Variants in THOC2 observed in about 807,000 individuals in gnomAD.
THOC2 encodes the protein THO complex subunit 2, also known as THO complex 2.
THOC2 carries 10 observed loss-of-function variants against 128.4 expected under a neutral mutation model. That is an observed-to-expected ratio of 0.08 (90% CI 0.05 to 0.13). The LOEUF is 0.13. THOC2 is among the 10% of genes least tolerant of loss of function. The pLI is 1.00. For missense variants in THOC2, 535 were observed against 1,155.7 expected (o/e 0.46, Z 7.79); for synonymous variants, 393 against 396.9 (o/e 0.99, Z 0.12).
In THOC2 at chrX:123,732,825, T is replaced by C. The variant is rs1466913024; in HGVS notation, c.71+127A>G. 4 of 728,639 alleles carry C rather than the reference T, an allele frequency of 5.5e-6. No homozygotes were observed. The African/African-American group carries it at 8.4e-5, about 15-fold the overall frequency. The allele number at this position is 728,639 out of a possible 1,213,427, so 60.0% of individuals were successfully genotyped here. On this transcript the variant is annotated intron_variant, in intron 1 of 38. Transcript: ENST00000245838. ...CGAGTTCGAAACTCCTAGACGACCA[T>C]CCACGCCCGCCGCCCGGGTGGGGGA...
At chrX:123,726,015 C>T (rs959141682) in intron 1 of THOC2, among the ~76,000 whole-genome samples, 19 of 111,142 alleles carry the variant, frequency 1.7e-4, no homozygotes, top group Non-Finnish European at 2.8e-4. Flanking sequence ...TTGAGACTAG[C>T]CTAGCCAATA....
intron 33 of THOC2, among the ~76,000 whole-genome samples, chrX:123,618,772 C>A (rs1365320732): frequency 9.0e-6 from 1 of 111,460 alleles, no homozygotes; most frequent in Non-Finnish European, 1.9e-5. Context: ...CTTTTAGTAG[C>A]AGAATACTCA....
intron 23 of THOC2, among the ~76,000 whole-genome samples, chrX:123,627,395 A>G (rs2147615607): frequency 1.8e-5 from 2 of 111,551 alleles, no homozygotes; most frequent in East Asian, 5.6e-4. Context: ...TCTCCTAAAG[A>G]ACTCTCCTCT....
intron 12 of THOC2, among the ~76,000 whole-genome samples, chrX:123,648,846 C>T (rs1394974792): frequency 2.7e-5 from 3 of 112,034 alleles, no homozygotes; most frequent in Non-Finnish European, 5.6e-5. Flanking sequence ...TCCCAACACC[C>T]TAGGACAGAG....
At chrX:123,687,603 A>G (rs1384039739) in intron 7 of THOC2, among the ~76,000 whole-genome samples, 3 of 111,969 alleles carry the variant, frequency 2.7e-5, no homozygotes, top group African/African-American at 9.7e-5. Flanking sequence ...TGTAATTTCC[A>G]TAGGTTGTAT....
At chrX:123,680,016 G>A (rs1041710931) in intron 8 of THOC2, among the ~76,000 whole-genome samples, 2 of 112,118 alleles carry the variant, frequency 1.8e-5, no homozygotes, top group East Asian at 2.8e-4. Context: ...TTCTCTCCAC[G>A]TGATAGCCTG....
At chrX:123,670,827 T>C (rs6648533) in intron 9 of THOC2, among the ~76,000 whole-genome samples, 35,257 of 110,683 alleles carry the variant, frequency 0.32, 4,179 homozygotes, top group East Asian at 0.68. Flanking sequence ...ACCTATTAAA[T>C]AATGCAAAAT....
At chrX:123,695,693 G>A (rs2050420828) in intron 7 of THOC2, among the ~76,000 whole-genome samples, 1 of 111,344 alleles carries the variant, frequency 9.0e-6, no homozygotes, top group Non-Finnish European at 1.9e-5. Flanking sequence ...CACTCTATCA[G>A]AACAGTCCAT....
chrX:123,711,377 A>C (rs1049348132), intron 2 of THOC2, among the ~76,000 whole-genome samples: 2 of 110,155 alleles, frequency 1.8e-5, no homozygotes, highest in Non-Finnish European at 3.8e-5. Flanking sequence ...AAGGTGGCTC[A>C]TGACAGTAAT....
intron 8 of THOC2, among the ~76,000 whole-genome samples, chrX:123,684,271 G>A (rs1040042405): frequency 4.2e-4 from 47 of 112,042 alleles, no homozygotes; most frequent in African/African-American, 1.5e-3. Context: ...TCATGCACAA[G>A]TTAAATTTCA....
intron 36 of THOC2, among the ~76,000 whole-genome samples, chrX:123,611,998 T>C (rs2046718054): frequency 1.8e-5 from 2 of 110,653 alleles, no homozygotes; most frequent in African/African-American, 3.3e-5. Flanking sequence ...GGAATGGCTA[T>C]AATAAAAAAC....
Position 123,686,535 on chromosome X carries a change from C to A in THOC2, c.768+13G>T. On this transcript the variant is annotated intron_variant, in intron 8 of 38. Transcript: ENST00000245838. ...CAATCTCTAAATATACATACATACA[C>A]GTTTTTCTTTACCTGGTAAAACTTG... 8.6e-7 allele frequency: 1 copy of A among 1,168,092 alleles called. No homozygotes were observed. The highest frequency in any genetic ancestry group is 1.2e-6 in the Non-Finnish European group (1 of 867,194).
At chrX:123,732,468 G>A (rs929693736) in intron 1 of THOC2, among the ~76,000 whole-genome samples, 4 of 112,257 alleles carry the variant, frequency 3.6e-5, no homozygotes, top group African/African-American at 1.3e-4. Flanking sequence ...GAGGGGAGGG[G>A]AATCCGGGAC....
At chrX:123,722,988 G>C (rs1438774734) in intron 1 of THOC2, among the ~76,000 whole-genome samples, 2 of 111,376 alleles carry the variant, frequency 1.8e-5, no homozygotes, top group South Asian at 7.6e-4. Flanking sequence ...AGACCAGCCT[G>C]CCCAACATGG....
At chrX:123,701,761 C>A (rs1268949465) in intron 4 of THOC2, among the ~76,000 whole-genome samples, 1 of 109,869 alleles carries the variant, frequency 9.1e-6, no homozygotes, top group Non-Finnish European at 1.9e-5. Context: ...TTTTGGTTGG[C>A]TTACATCAAT....
intron 21 of THOC2, among the ~76,000 whole-genome samples, chrX:123,632,489 CAAAAAAAAAA>C (rs11324625): frequency 8.5e-5 from 3 of 35,161 alleles, no homozygotes; most frequent in African/African-American, 3.1e-4. Context: ...GGCTTTGTCT[CAAAAAAAAAA>C]AAAAAAAAAA....
At chrX:123,621,663 T>C (rs878967676) in intron 30 of THOC2, 76 bp from the exon 31 acceptor site, 25 of 803,348 alleles carry the variant, frequency 3.1e-5, no homozygotes, top group South Asian at 1.0e-4. Flanking sequence ...AAATATATCA[T>C]AAAGGGTTTC....
chrX:123,668,206 C>A lies in THOC2; in HGVS notation c.970G>T (p.Asp324Tyr). 1 of 1,198,083 alleles carries A rather than the reference C, an allele frequency of 8.3e-7. No individual in the cohort carries two copies. Among genetic ancestry groups the A allele is most frequent in the East Asian group, 3.0e-5 (1 of 33,302 alleles). The change falls in exon 10 of 39, where the codon GAT (aspartate) becomes TAT (tyrosine). Residue 324 changes from aspartate (D) to tyrosine (Y), a missense_variant. Around this residue, in one of 9 missense-constraint regions of THOC2, gnomAD observed 197 missense variants for 313.4 expected, o/e 0.63. Coordinates refer to ENST00000245838, the MANE Select transcript of THOC2 (RefSeq NM_001081550.2). ...TTTTCCTTTTCTTTCTCTCGCTCAT[C>A]CATTTTTTCAGAAGACAACACAACC... ...TMVVLSSEKM[D>Y]EREKEKEKEE...
At chrX:123,697,286 C>T (rs1302586608) in intron 5 of THOC2, among the ~76,000 whole-genome samples, 2 of 112,216 alleles carry the variant, frequency 1.8e-5, no homozygotes, top group Non-Finnish European at 3.8e-5. Context: ...AGACAACAAT[C>T]ATGGCAAGTT....
Sources: gnomAD v4.1 joint callset for allele counts (sites outside exome capture counted in the v4.1 genomes callset) on GRCh38, gnomAD v4.1.1 for gene constraint, gnomAD v4.1.1 regional missense constraint, MANE v1.5 for transcripts, NCBI Gene and HGNC (gene_info 2026-07-23, HGNC 2026-07-21) for gene names.